The following UROC1 variants were observed in gnomAD, a reference collection of about 807,000 sequenced individuals.
UROC1 encodes urocanate hydratase 1, also known as urocanate hydratase.
UROC1 carries 79 observed loss-of-function variants against 89.5 expected under a neutral mutation model. The observed-to-expected ratio is 0.88, with a 90% CI of 0.74 to 1.06. The LOEUF (loss-of-function observed/expected upper bound fraction) is 1.06, where lower values mean the gene tolerates loss of function less well. Among genes scored for constraint, UROC1 ranks in the 50% least tolerant of loss-of-function variants. The pLI is 0.00. For synonymous variants in UROC1, 361 were observed against 354.8 expected (o/e 1.02, Z -0.20); for missense variants, 885 against 907.8 (o/e 0.97, Z 0.32).
In UROC1 at chr3:126,499,324, G is replaced by T. The variant is rs1168595; in HGVS notation, c.1316+13C>A. 3.1e-6 allele frequency: 5 copies of T among 1,607,326 alleles called. No homozygotes were observed. The highest frequency in any genetic ancestry group is 4.2e-6 in the Non-Finnish European group (5 of 1,178,282). ...ACTGGGCACACTAGATGTGGCAGCC[G>T]CCCATCACTCACCCCATGATGTGCT... On this transcript the variant is annotated intron_variant, in intron 13 of 19. Transcript: ENST00000290868.
intron 1 of UROC1, 127 bp downstream of exon 1, chr3:126,517,467 C>A (rs1012602477): frequency 4.2e-6 from 6 of 1,417,252 alleles, no homozygotes; most frequent in East Asian, 4.6e-5. Flanking sequence ...CAGGCTGGAG[C>A]CCCTGGAGTC....
At chr3:126,490,522 T>C (rs1016620894) in intron 16 of UROC1, among the ~76,000 whole-genome samples, 3 of 152,134 alleles carry the variant, frequency 2.0e-5, no homozygotes, top group Non-Finnish European at 4.4e-5. Flanking sequence ...CCGTCTCCAC[T>C]AAAAATACCT....
At chr3:126,496,867 C>T (rs1205560592) in intron 14 of UROC1, among the ~76,000 whole-genome samples, 1 of 152,210 alleles carries the variant, frequency 6.6e-6, no homozygotes. Flanking sequence ...TGCCGCAGGG[C>T]ATGTGCTGCG....
At chr3:126,503,971 C>G in intron 9 of UROC1, 24 bp downstream of exon 9, 1 of 1,613,742 alleles carries the variant, frequency 6.2e-7, no homozygotes, top group South Asian at 1.1e-5. Context: ...TGTCAGGTGT[C>G]CGGAGTTGAG....
intron 17 of UROC1, 74 bp from the exon 18 acceptor site, chr3:126,488,353 G>T: frequency 6.4e-7 from 1 of 1,562,846 alleles, no homozygotes; most frequent in East Asian, 2.2e-5. Context: ...GGCCAGCCTC[G>T]CTGGCTAAGC....
Position 126,505,779 on chromosome 3 carries a change from G to C in UROC1, c.735C>G (p.Val245=). Residue 245 remains valine, a synonymous_variant, in exon 8 of 20, where the codon GTC becomes GTG. Transcript: ENST00000290868. ...GIEDLAGKVF[V]TSGLGGMSGA... is the part of the protein sequence containing the mutation. ...CACTCATTCCGCCGAGCCCAGAGGT[G>C]ACAAAGACCTTCCCAGCCAAGTCCT... 1 of 1,613,928 alleles carries C rather than the reference G, an allele frequency of 6.2e-7. No individual in the cohort carries two copies. The highest frequency in any genetic ancestry group is 8.5e-7 in the Non-Finnish European group (1 of 1,180,026).
rs376745597 is a variant in UROC1 at position 126,505,692 on chromosome 3, C to T, written c.813+9G>A. ...GGCAGGAGCGAAGGCCAGGAGCCCC[C>T]CAGCTTACCTCTGCTATCACACCGA... On this transcript the variant is annotated intron_variant, in intron 8 of 19. Transcript: ENST00000290868. The T allele has an allele frequency of 5.0e-5, 80 of 1,613,382 alleles. No homozygotes were observed. In the Middle Eastern group the frequency reaches 8.2e-4, roughly 17 times the overall value.
chr3:126,508,381 CA>C (rs747607260), intron 4 of UROC1, 34 bp downstream of exon 4: 3 of 1,609,022 alleles, frequency 1.9e-6, no homozygotes, highest in Admixed American at 3.3e-5. Flanking sequence ...GAGGAAAGGC[CA>C]GGGGTGGGGA....
intron 4 of UROC1, 141 bp from the exon 5 acceptor site, chr3:126,508,236 A>T: frequency 6.7e-7 from 1 of 1,501,344 alleles, no homozygotes. Flanking sequence ...GCCTCCCTCA[A>T]CACCACCTCG....
At chr3:126,506,627 G>T (rs1936066583) in intron 6 of UROC1, among the ~76,000 whole-genome samples, 2 of 152,194 alleles carry the variant, frequency 1.3e-5, no homozygotes, top group South Asian at 2.1e-4. Flanking sequence ...GGAAAGGCAA[G>T]GCACAGAGGC....
intron 12 of UROC1, among the ~76,000 whole-genome samples, chr3:126,499,695 A>G (rs550710251): frequency 2.8e-4 from 42 of 152,354 alleles, no homozygotes; most frequent in African/African-American, 9.9e-4. Flanking sequence ...CACTGCGGAC[A>G]CTGTGCCTTT....
chr3:126,513,790 G>GT lies in UROC1; in HGVS notation c.127-2997dup, dbSNP rs572178463. On this transcript the variant is annotated intron_variant, in intron 1 of 19. Transcript: ENST00000290868. The stretch of plus-strand genomic sequence containing the variant: ...ACCTCCATAGAAGCCTCTATACTCT[G>GT]TGGGGGGCATAGTTAAGCAGTAGGT... Among the ~76,000 whole-genome samples, 623 of 152,244 alleles carry GT rather than the reference G, an allele frequency of 4.1e-3. 3 individuals are homozygous for GT. Among genetic ancestry groups the GT allele is most frequent in the Non-Finnish European group, 7.4e-3 (505 of 68,018 alleles).
In UROC1 at chr3:126,481,810, C is replaced by A; in HGVS notation, c.*535G>T. The A allele has an allele frequency of 6.2e-6, 1 of 161,378 alleles. No individual in the cohort carries two copies. The highest frequency in any genetic ancestry group is 1.4e-5 in the Non-Finnish European group (1 of 73,204). The allele number at this position is 161,378 out of a possible 1,614,324, so 10.0% of individuals were successfully genotyped here. A position where few individuals can be genotyped will look rare whatever the true frequency, so the allele number is the denominator to read the frequency against. Reference sequence around the variant, plus strand: ...AGTAAGTGATCATTTATCCTTAGGGCAGACCCGGCCTGCCCGTCCCACCAG... The same window carrying A: ...AGTAAGTGATCATTTATCCTTAGGGAAGACCCGGCCTGCCCGTCCCACCAG... On this transcript the variant is annotated 3_prime_UTR_variant, in exon 20 of 20. Transcript: ENST00000290868.
chr3:126,511,807 A>G (rs769195023), intron 1 of UROC1, among the ~76,000 whole-genome samples: 4 of 152,036 alleles, frequency 2.6e-5, no homozygotes, highest in African/African-American at 7.2e-5. Context: ...TGTCTGCCAC[A>G]TTTTCCCCTT....
chr3:126,502,941 ATG>A (rs1408400177), intron 9 of UROC1, among the ~76,000 whole-genome samples: 2 of 127,456 alleles, frequency 1.6e-5, no homozygotes, highest in Middle Eastern at 4.3e-3. Flanking sequence ...TTGTGTGTTT[ATG>A]TGTGTGTTAT....
Position 126,510,793 on chromosome 3 carries a change from A to T in UROC1, c.128T>A (p.Leu43Gln), listed in dbSNP as rs760513235. 2.5e-6 allele frequency: 4 copies of T among 1,613,048 alleles called. No homozygotes were observed. The South Asian group carries it at 3.3e-5, about 13-fold the overall frequency. The change falls in exon 2 of 20, where the codon CTG becomes CAG. Residue 43 changes from leucine to glutamine, a missense_variant and splice_region_variant. Physicochemically the swap from Leu to Gln is moderately radical, Grantham distance 113. Coordinates refer to ENST00000290868, the MANE Select transcript of UROC1 (RefSeq NM_144639.3). ...TPSLSPVEKQ[L>Q]ALRNALRYFP... ...GTAGCGCAGGGCGTTCCTCAGCGCC[A>T]GCTGGGGTAGGAGAGCGGAGAGGCA... is the stretch of plus-strand genomic sequence containing the variant.
At chr3:126,504,865 G>A (rs902769758) in intron 8 of UROC1, among the ~76,000 whole-genome samples, 33 of 152,242 alleles carry the variant, frequency 2.2e-4, no homozygotes, top group African/African-American at 7.7e-4. Context: ...GGATATATTT[G>A]TCCCCCAAAC....
chr3:126,498,314 C>T lies in UROC1; in HGVS notation c.1317-142G>A. The stretch of plus-strand genomic sequence containing the variant: ...TAAGCTGTCATTGGACAGAAAGTTC[C>T]AGGGGCCTCCCTGTCCCCTCTCTGT... On this transcript the variant is annotated intron_variant, in intron 13 of 19. Transcript: ENST00000290868. 5 of 1,418,334 alleles carry T rather than the reference C, an allele frequency of 3.5e-6. No individual in the cohort carries two copies. In the South Asian group the frequency reaches 6.0e-5, roughly 17 times the overall value. The allele number at this position is 1,418,334 out of a possible 1,614,324, so 87.9% of individuals were successfully genotyped here. A position where few individuals can be genotyped will look rare whatever the true frequency, so the allele number is the denominator to read the frequency against.
At chr3:126,515,523 A>G (rs1379575127) in intron 1 of UROC1, among the ~76,000 whole-genome samples, 4 of 68,200 alleles carry the variant, frequency 5.9e-5, no homozygotes, top group African/African-American at 2.3e-4. Context: ...CCCACCACCT[A>G]CCCTCCTCCC....
Sources: gnomAD v4.1 joint callset for allele counts (sites outside exome capture counted in the v4.1 genomes callset) on GRCh38, gnomAD v4.1.1 for gene constraint, MANE v1.5 for transcripts, NCBI Gene and HGNC (gene_info 2026-07-23, HGNC 2026-07-21) for gene names.